ALDH1A2: variants seen among roughly 807,000 people sequenced by gnomAD.
ALDH1A2 encodes retinal dehydrogenase 2.
Under a neutral mutation model 60.3 loss-of-function variants are expected in ALDH1A2, and 27 were observed. The observed-to-expected ratio is 0.45, with a 90% confidence interval of 0.33 to 0.62. The LOEUF (loss-of-function observed/expected upper bound fraction) is 0.62. ALDH1A2 is among the 20% of genes least tolerant of loss of function. The pLI is 0.02. For missense variants in ALDH1A2, 581 were observed against 643.8 expected (o/e 0.90, Z 1.06); for synonymous variants, 289 against 232.4 (o/e 1.24, Z -2.21).
intron 4 of ALDH1A2, among the ~76,000 whole-genome samples, chr15:57,999,890 G>C (rs1895201986): frequency 6.6e-6 from 1 of 151,932 alleles, no homozygotes; most frequent in South Asian, 2.1e-4. Context: ...GCCATAAAAA[G>C]GAATGGGATC....
At chr15:58,003,055 C>G (rs1895327580) in intron 4 of ALDH1A2, among the ~76,000 whole-genome samples, 1 of 151,924 alleles carries the variant, frequency 6.6e-6, no homozygotes. Flanking sequence ...GTTCCTGAGT[C>G]TGTCATGAAG....
intron 7 of ALDH1A2, among the ~76,000 whole-genome samples, chr15:57,982,347 T>G (rs1338260116): frequency 6.6e-6 from 1 of 152,236 alleles, no homozygotes; most frequent in African/African-American, 2.4e-5. Flanking sequence ...ACTGACATAT[T>G]TAATCTTGAT....
intron 8 of ALDH1A2, 130 bp downstream of exon 8, chr15:57,965,595 T>A: frequency 7.5e-6 from 6 of 797,714 alleles, no homozygotes; most frequent in Middle Eastern, 2.4e-4. Context: ...CATTTTCTCC[T>A]TAGAGGAGAT....
At chr15:58,010,614 C>G in intron 4 of ALDH1A2, 35 bp downstream of exon 4, 1 of 1,610,096 alleles carries the variant, frequency 6.2e-7, no homozygotes, top group Non-Finnish European at 8.5e-7. Flanking sequence ...GGTGGTTTCA[C>G]GTTTTCCTTT....
chr15:58,026,324 C>A (rs576802438), intron 1 of ALDH1A2, among the ~76,000 whole-genome samples: 30 of 152,042 alleles, frequency 2.0e-4, no homozygotes, highest in Non-Finnish European at 3.7e-4. Context: ...AATGAAGGAC[C>A]AAAACCATAT....
chr15:57,981,808 G>A (rs1213547751), intron 7 of ALDH1A2, among the ~76,000 whole-genome samples: 3 of 152,184 alleles, frequency 2.0e-5, no homozygotes, highest in African/African-American at 7.2e-5. Flanking sequence ...TAGATCCAGT[G>A]CTAAACACTC....
chr15:58,000,081 C>G (rs1178040764), intron 4 of ALDH1A2, among the ~76,000 whole-genome samples: 1 of 151,734 alleles, frequency 6.6e-6, no homozygotes, highest in African/African-American at 2.4e-5. Flanking sequence ...GGCAGAATAT[C>G]AAGATAAATA....
intron 4 of ALDH1A2, 42 bp downstream of exon 4, chr15:58,010,607 G>A (rs745649848): frequency 2.5e-6 from 4 of 1,609,012 alleles, no homozygotes; most frequent in South Asian, 2.2e-5. Context: ...CATTTCTGGT[G>A]GTTTCACGTT....
intron 7 of ALDH1A2, among the ~76,000 whole-genome samples, chr15:57,972,214 G>A (rs1456502999): frequency 6.6e-6 from 1 of 152,210 alleles, no homozygotes; most frequent in Non-Finnish European, 1.5e-5. Flanking sequence ...GAGTGGCAGA[G>A]CCAGGACTGG....
intron 12 of ALDH1A2, among the ~76,000 whole-genome samples, chr15:57,956,193 CAAGGAAGG>C (rs753073526): frequency 1.3e-5 from 2 of 152,046 alleles, no homozygotes; most frequent in Non-Finnish European, 2.9e-5. Flanking sequence ...ACCTGATGAC[CAAGGAAGG>C]AAGGAAAGTA....
At chr15:57,980,283 C>A (rs1894446880) in intron 7 of ALDH1A2, 2 of 392,486 alleles carry the variant, frequency 5.1e-6, no homozygotes, top group South Asian at 2.3e-5. Context: ...AAAAGAGACA[C>A]CTGCATGTGC....
At chr15:58,033,930 C>T (rs1762693530) in intron 1 of ALDH1A2, among the ~76,000 whole-genome samples, 1 of 151,212 alleles carries the variant, frequency 6.6e-6, no homozygotes, top group African/African-American at 2.4e-5. Context: ...ATCAGTCCTC[C>T]TCTTTTGTTC....
intron 1 of ALDH1A2, among the ~76,000 whole-genome samples, chr15:58,027,132 A>G (rs1471582372): frequency 6.6e-6 from 1 of 152,198 alleles, no homozygotes; most frequent in East Asian, 1.9e-4. Flanking sequence ...GTAGGGGCCT[A>G]AAGACACCTC....
chr15:58,023,082 A>G (rs1022803683), intron 1 of ALDH1A2, among the ~76,000 whole-genome samples: 5 of 152,242 alleles, frequency 3.3e-5, no homozygotes, highest in African/African-American at 9.6e-5. Context: ...TGAATTCTGA[A>G]CATAAAAAAT....
intron 1 of ALDH1A2, among the ~76,000 whole-genome samples, chr15:58,021,289 T>C (rs1391210098): frequency 6.6e-6 from 1 of 152,282 alleles, no homozygotes; most frequent in South Asian, 2.1e-4. Context: ...ACCAGAACAG[T>C]ATATAGACAG....
intron 5 of ALDH1A2, among the ~76,000 whole-genome samples, chr15:57,994,488 G>T (rs1894988724): frequency 6.6e-6 from 1 of 152,180 alleles, no homozygotes; most frequent in South Asian, 2.1e-4. Flanking sequence ...TGTACCAAGG[G>T]TGTGTATGAG....
At chr15:58,055,608 A>G (rs1896875904) in intron 1 of ALDH1A2, among the ~76,000 whole-genome samples, 1 of 152,108 alleles carries the variant, frequency 6.6e-6, no homozygotes, top group Admixed American at 6.6e-5. Flanking sequence ...CAGGTGTTAT[A>G]TGTAAGTATA....
At chr15:57,989,607 A>G (rs1038032442) in intron 7 of ALDH1A2, among the ~76,000 whole-genome samples, 1 of 152,234 alleles carries the variant, frequency 6.6e-6, no homozygotes, top group Admixed American at 6.5e-5. Flanking sequence ...GTTTGGTGCA[A>G]AAGTCATTGC....
chr15:58,030,096 T>C (rs1184753257), intron 1 of ALDH1A2, among the ~76,000 whole-genome samples: 1 of 152,088 alleles, frequency 6.6e-6, no homozygotes, highest in Non-Finnish European at 1.5e-5. Context: ...AAAAAGACAA[T>C]TTTAGACCAA....
Sources: allele counts gnomAD v4.1 joint callset (sites outside exome capture counted in the v4.1 genomes callset), GRCh38; gene constraint gnomAD v4.1.1; transcripts MANE v1.5; gene names NCBI Gene and HGNC (gene_info 2026-07-23, HGNC 2026-07-21).